B4GALNT3: variants seen among roughly 807,000 people sequenced by gnomAD.
B4GALNT3 encodes beta-1,4-N-acetylgalactosaminyltransferase 3.
In B4GALNT3, 86 loss-of-function variants were observed where a neutral mutation model predicts 120.2. That is an observed-to-expected ratio of 0.72 (90% CI 0.60 to 0.86). The LOEUF is 0.86. B4GALNT3 is among the 40% of genes least tolerant of loss of function. B4GALNT3 has a pLI of 0.00. For synonymous variants in B4GALNT3, 518 were observed against 510.4 expected (o/e 1.01, Z -0.20); for missense variants, 1,167 against 1,298.9 (o/e 0.90, Z 1.56).
intron 2 of B4GALNT3, among the ~76,000 whole-genome samples, chr12:535,523 G>A (rs976107408): frequency 3.9e-5 from 6 of 152,116 alleles, no homozygotes; most frequent in East Asian, 1.9e-4. Context: ...GTCTGCCCTC[G>A]TTCCCTAGTT....
At position 486,655 on chromosome 12, in the gene B4GALNT3, G is replaced by A. The variant is rs1946293647; in HGVS notation, c.169+26110G>A. ...CATCTAGAGTGGGGAGAAGTCTGAT[G>A]TAGATCACAGTCCAGAGGCAGAAGC... On this transcript the variant is annotated intron_variant, in intron 1 of 19. Coordinates refer to ENST00000266383, the MANE Select transcript of B4GALNT3 (RefSeq NM_173593.4). Among the ~76,000 whole-genome samples the A allele has an allele frequency of 2.0e-5, 3 of 152,176 alleles. No homozygotes were observed. The South Asian group carries it at 6.2e-4, about 32-fold the overall frequency.
chr12:465,575 A>T (rs1047212515), intron 1 of B4GALNT3, among the ~76,000 whole-genome samples: 7 of 152,066 alleles, frequency 4.6e-5, no homozygotes, highest in Non-Finnish European at 7.4e-5. Flanking sequence ...CGAGGAATGC[A>T]GTTTTTGACA....
chr12:506,223 C>A (rs1362597974), intron 1 of B4GALNT3, among the ~76,000 whole-genome samples: 1 of 151,998 alleles, frequency 6.6e-6, no homozygotes, highest in African/African-American at 2.4e-5. Context: ...TGTTTATTAT[C>A]AAATCATAGA....
intron 1 of B4GALNT3, among the ~76,000 whole-genome samples, chr12:482,543 A>G (rs1946251657): frequency 6.6e-6 from 1 of 152,178 alleles, no homozygotes; most frequent in Admixed American, 6.5e-5. Context: ...ATAAAGATCA[A>G]TATTTGGAGG....
chr12:512,929 C>CCTTCCACCTTCCACCTT (rs1565599050), intron 1 of B4GALNT3, among the ~76,000 whole-genome samples: 4 of 149,512 alleles, frequency 2.7e-5, no homozygotes, highest in Non-Finnish European at 4.5e-5. Context: ...CTGCCTTCCA[C>CCTTCCACCTTCCACCTT]CTTCCACCTT....
intron 1 of B4GALNT3, among the ~76,000 whole-genome samples, chr12:516,211 T>C (rs1028622113): frequency 2.0e-5 from 3 of 151,846 alleles, no homozygotes; most frequent in African/African-American, 7.3e-5. Context: ...GGGGAGAAGA[T>C]AGATTTTATA....
In B4GALNT3 at chr12:552,490, A is replaced by G. The variant is rs7298766; in HGVS notation, c.1232A>G (p.Lys411Arg). 0.29 allele frequency: 470,602 copies of G among 1,613,060 alleles called. 70,577 individuals carry two copies. Among genetic ancestry groups the G allele is most frequent in the Middle Eastern group, 0.37 (2,265 of 6,056 alleles). Reference sequence around the variant, plus strand: ...AGGTTCAGCTTTCAGGAGTACATCAAGATTGACCAGCCTGAGAAGCAGGGG... The same window carrying G: ...AGGTTCAGCTTTCAGGAGTACATCAGGATTGACCAGCCTGAGAAGCAGGGG... ...QDRFSFQEYI[K>R]IDQPEKQGLE... The change falls in exon 13 of 20, where the codon AAG (lysine) becomes AGG (arginine). Residue 411 changes from lysine (K) to arginine (R), a missense_variant. Coordinates refer to ENST00000266383, the MANE Select transcript of B4GALNT3 (RefSeq NM_173593.4).
At chr12:510,896 C>G (rs949994134) in intron 1 of B4GALNT3, among the ~76,000 whole-genome samples, 1 of 151,976 alleles carries the variant, frequency 6.6e-6, no homozygotes, top group Non-Finnish European at 1.5e-5. Flanking sequence ...TACCTAATTC[C>G]AGAGCATTTT....
chr12:499,189 C>T (rs1308863790), intron 1 of B4GALNT3, among the ~76,000 whole-genome samples: 1 of 152,228 alleles, frequency 6.6e-6, no homozygotes, highest in Non-Finnish European at 1.5e-5. Flanking sequence ...AAATTGCCTA[C>T]CTGGCTGTGG....
chr12:555,919 A>T (rs986481880), intron 14 of B4GALNT3, among the ~76,000 whole-genome samples: 4 of 151,756 alleles, frequency 2.6e-5, no homozygotes, highest in Non-Finnish European at 5.9e-5. Flanking sequence ...GAGTAGCTGG[A>T]ACTACAGGTG....
Position 500,661 on chromosome 12 carries a change from C to T in B4GALNT3, c.170-34505C>T, listed in dbSNP as rs1946429660. Among the ~76,000 whole-genome samples, 7 of 152,158 alleles carry T rather than the reference C, an allele frequency of 4.6e-5. No individual in the cohort carries two copies. The South Asian group carries it at 1.2e-3, about 27-fold the overall frequency. ...GGTAAATAGCTACTGCCCTGAATCC[C>T]GTGGGTGCCCCAACCCGGGACCCAC... On this transcript the variant is annotated intron_variant, in intron 1 of 19. Coordinates refer to ENST00000266383, the MANE Select transcript of B4GALNT3 (RefSeq NM_173593.4).
intron 1 of B4GALNT3, among the ~76,000 whole-genome samples, chr12:514,105 CA>C (rs1946625385): frequency 6.6e-6 from 1 of 152,120 alleles, no homozygotes; most frequent in Non-Finnish European, 1.5e-5. Flanking sequence ...CAGATTTTTC[CA>C]AATCGGCTAC....
Position 563,261 on chromosome 12 carries a change from G to C in B4GALNT3, c.*1810G>C, listed in dbSNP as rs572986311. ...TCGTCCTCGGGCATTGCACTGGAAG[G>C]CTGGAACCAGCCCAAACTGCCCACC... On this transcript the variant is annotated 3_prime_UTR_variant, in exon 20 of 20. Transcript: ENST00000266383. The C allele has an allele frequency of 1.3e-5, 2 of 152,732 alleles. No homozygotes were observed. The highest frequency in any genetic ancestry group is 4.1e-4 in the South Asian group (2 of 4,832). 9.5% of individuals were successfully genotyped at this position (152,732 alleles called of 1,614,324 possible). A position where few individuals can be genotyped will look rare whatever the true frequency, so the allele number is the denominator to read the frequency against.
intron 19 of B4GALNT3, among the ~76,000 whole-genome samples, chr12:559,845 G>A (rs1012810095): frequency 6.6e-6 from 1 of 152,174 alleles, no homozygotes; most frequent in Non-Finnish European, 1.5e-5. Flanking sequence ...CAAAGGTCAG[G>A]AAAGACTTTG....
intron 1 of B4GALNT3, among the ~76,000 whole-genome samples, chr12:511,510 CCTT>C (rs1285651668): frequency 9.2e-4 from 113 of 122,696 alleles, no homozygotes; most frequent in Non-Finnish European, 1.2e-3. Context: ...CCACCTTCCA[CCTT>C]CTTCCACCTT....
At chr12:521,715 G>A (rs902961951) in intron 1 of B4GALNT3, among the ~76,000 whole-genome samples, 3 of 152,206 alleles carry the variant, frequency 2.0e-5, no homozygotes, top group Non-Finnish European at 2.9e-5. Flanking sequence ...CCACTGACAC[G>A]TTGATGTTGC....
At chr12:543,201 A>G (rs923182777) in intron 3 of B4GALNT3, 2 of 1,289,142 alleles carry the variant, frequency 1.6e-6, no homozygotes, top group Non-Finnish European at 2.0e-6. Flanking sequence ...GAACATCAGC[A>G]CCAGGTTCCT....
chr12:508,046 A>G lies in B4GALNT3; in HGVS notation c.170-27120A>G, dbSNP rs150085192. On this transcript the variant is annotated intron_variant, in intron 1 of 19. Coordinates refer to ENST00000266383, the MANE Select transcript of B4GALNT3 (RefSeq NM_173593.4). ...TACTAACCTGTGAAAGAAATTTCTC[A>G]TGATCATCCATTGTAACTGGAAGAG... Among the ~76,000 whole-genome samples, 178 of 152,356 alleles carry G rather than the reference A, an allele frequency of 1.2e-3. 2 individuals are homozygous for G. The East Asian group carries it at 0.033, about 28-fold the overall frequency.
At chr12:524,330 C>G (rs1946741214) in intron 1 of B4GALNT3, among the ~76,000 whole-genome samples, 1 of 152,204 alleles carries the variant, frequency 6.6e-6, no homozygotes, top group Non-Finnish European at 1.5e-5. Context: ...ATCATCAGAC[C>G]TCGCAGATCT....
Sources: allele counts gnomAD v4.1 joint callset (sites outside exome capture counted in the v4.1 genomes callset), GRCh38; gene constraint gnomAD v4.1.1; transcripts MANE v1.5; gene names NCBI Gene and HGNC (gene_info 2026-07-23, HGNC 2026-07-21).